The following SYTL3 variants were observed in gnomAD, a reference collection of about 807,000 sequenced individuals.
The protein encoded by SYTL3 is synaptotagmin-like protein 3.
In SYTL3, 88 loss-of-function variants were observed where a neutral mutation model predicts 82.1. The observed-to-expected ratio is 1.07, with a 90% confidence interval of 0.90 to 1.28. The LOEUF (loss-of-function observed/expected upper bound fraction) is 1.28, where lower values mean the gene tolerates loss of function less well. Among genes scored for constraint, SYTL3 ranks in the 50% most tolerant of loss-of-function variants. SYTL3 has a pLI of 0.00. For missense variants in SYTL3, 831 were observed against 757.6 expected, an observed-to-expected ratio of 1.10 and a Z score of -1.14; for synonymous variants, 311 against 289.4, an observed-to-expected ratio of 1.07 and a Z score of -0.76.
At position 158,663,314 on chromosome 6, in the gene SYTL3, G is replaced by A. The variant is rs574758010; in HGVS notation, c.46G>A (p.Glu16Lys). The A allele has an allele frequency of 1.8e-5, 29 of 1,614,132 alleles. No homozygotes were observed. The highest frequency in any genetic ancestry group is 1.7e-4 in the Middle Eastern group (1 of 6,034). The change falls in exon 4 of 18, where the codon GAG (glutamate) becomes AAG (lysine). Residue 16 changes from glutamate to lysine, a missense_variant. Glu to Lys is a moderately conservative substitution (Grantham distance 56). Coordinates refer to ENST00000611299, the MANE Select transcript of SYTL3 (RefSeq NM_001242394.2). ...DLSALKELER[E>K]AILQVLYRDQ... ...GAGTGCTCTCAAGGAGTTAGAACGC[G>A]AGGCCATTCTCCAGGTCCTGTACCG... is the stretch of plus-strand genomic sequence containing the variant.
upstream of SYTL3, among the ~76,000 whole-genome samples, chr6:158,648,603 A>AT (rs1787660378): frequency 7.1e-6 from 1 of 140,514 alleles, no homozygotes; most frequent in Non-Finnish European, 1.6e-5. Context: ...AAAAAAAAAA[A>AT]AAAAAATAAT....
At chr6:158,758,454 C>G (rs1026863181) in intron 14 of SYTL3, among the ~76,000 whole-genome samples, 1 of 151,484 alleles carries the variant, frequency 6.6e-6, no homozygotes, top group African/African-American at 2.4e-5. Context: ...AAAAAAAAAC[C>G]CAGCGGGATG....
chr6:158,677,540 T>TA (rs1209182199), intron 5 of SYTL3, among the ~76,000 whole-genome samples: 1 of 150,582 alleles, frequency 6.6e-6, no homozygotes, highest in South Asian at 2.1e-4. Flanking sequence ...CCCTAAAACT[T>TA]ATAATAAAAA....
intron 5 of SYTL3, among the ~76,000 whole-genome samples, chr6:158,667,887 A>G (rs1427036035): frequency 6.6e-6 from 1 of 152,208 alleles, no homozygotes; most frequent in Admixed American, 6.5e-5. Flanking sequence ...GTTTTCTCTT[A>G]GAGAACTGAG....
chr6:158,741,434 G>T (rs1178947973), intron 11 of SYTL3, among the ~76,000 whole-genome samples: 6 of 152,136 alleles, frequency 3.9e-5, no homozygotes, highest in African/African-American at 1.4e-4. Context: ...GAAGAATTGG[G>T]CTCCTTCTGT....
chr6:158,755,345 CA>C (rs1030802465), intron 13 of SYTL3, among the ~76,000 whole-genome samples: 4 of 151,950 alleles, frequency 2.6e-5, no homozygotes, highest in Non-Finnish European at 4.4e-5. Context: ...CCTGTCCCCC[CA>C]AAAAAGATAT....
intron 11 of SYTL3, among the ~76,000 whole-genome samples, chr6:158,731,298 C>CA (rs2128490194): frequency 1.3e-5 from 2 of 151,690 alleles, no homozygotes; most frequent in East Asian, 1.9e-4. Context: ...AAAAACAAAA[C>CA]AAAAAAACTA....
intron 6 of SYTL3, among the ~76,000 whole-genome samples, chr6:158,693,855 C>CTTTTCTCTTCTT (rs71030191): frequency 1.0e-5 from 1 of 96,866 alleles, no homozygotes; most frequent in Non-Finnish European, 1.9e-5. Context: ...TTTTTCTTTT[C>CTTTTCTCTTCTT]TTTTTTTTTT....
At chr6:158,753,120 C>T (rs1211943551) in intron 13 of SYTL3, among the ~76,000 whole-genome samples, 17 of 131,072 alleles carry the variant, frequency 1.3e-4, no homozygotes, top group African/African-American at 2.1e-4. Context: ...CACTCTTGGT[C>T]GCCCAGGCTG....
At chr6:158,726,278 C>A in intron 11 of SYTL3, 1 of 439,568 alleles carries the variant, frequency 2.3e-6, no homozygotes, top group South Asian at 1.9e-5. Flanking sequence ...AAAGATCAAT[C>A]ATTGTTATCC....
At chr6:158,682,516 T>C (rs59497536) in intron 5 of SYTL3, among the ~76,000 whole-genome samples, 24,340 of 151,862 alleles carry the variant, frequency 0.16, 3,076 homozygotes, top group African/African-American at 0.35. Context: ...CCCGCCACCA[T>C]GCCTGGCTAA....
chr6:158,685,811 T>G (rs1165841975), intron 6 of SYTL3, among the ~76,000 whole-genome samples: 1 of 152,066 alleles, frequency 6.6e-6, no homozygotes, highest in Non-Finnish European at 1.5e-5. Context: ...AGAGTGAAAC[T>G]CCATCTCAAA....
Position 158,682,949 on chromosome 6 carries a change from AT to A in SYTL3, c.355del (p.Trp119GlyfsTer30), listed in dbSNP as rs780458243. 6.2e-7 allele frequency: 1 copy of A among 1,613,622 alleles called. No individual in the cohort carries two copies. The highest frequency in any genetic ancestry group is 8.5e-7 in the Non-Finnish European group (1 of 1,179,596). On this transcript the variant is annotated frameshift_variant, in exon 6 of 18. Coordinates refer to ENST00000611299, the MANE Select transcript of SYTL3 (RefSeq NM_001242394.2). LOFTEE classifies it high-confidence loss of function. ...DRNVKIKTGEWFYEERAKKFP... is the reference protein window; with the variant it reads ...DRNVKIKTGEXFYEERAKKFP... ...GGAATGTCAAAATAAAAACTGGAGA[AT>A]GGTTCTATGAGGAACGAGCCAAGAA...
intron 2 of SYTL3, among the ~76,000 whole-genome samples, chr6:158,660,218 T>A (rs1789207296): frequency 6.6e-6 from 1 of 151,988 alleles, no homozygotes; most frequent in South Asian, 2.1e-4. Context: ...TGAGCCGAGA[T>A]CGCACCACTG....
intron 10 of SYTL3, among the ~76,000 whole-genome samples, chr6:158,723,857 C>A (rs1448068494): frequency 6.6e-6 from 1 of 152,216 alleles, no homozygotes; most frequent in Non-Finnish European, 1.5e-5. Context: ...TTCTGTCACA[C>A]CTTTAGTGTC....
intron 5 of SYTL3, among the ~76,000 whole-genome samples, chr6:158,677,536 A>T (rs1010427096): frequency 1.3e-5 from 2 of 151,286 alleles, no homozygotes; most frequent in Non-Finnish European, 2.9e-5. Flanking sequence ...TGTACCCTAA[A>T]ACTTATAATA....
chr6:158,762,180 T>C lies in SYTL3; in HGVS notation c.1517+2T>C, dbSNP rs771856735. On this transcript the variant is annotated splice_donor_variant, in intron 16 of 17. Coordinates refer to ENST00000611299, the MANE Select transcript of SYTL3 (RefSeq NM_001242394.2). LOFTEE classifies it high-confidence loss of function. Reference sequence around the variant, plus strand: ...CACCTTGAACTCATTTGTTAAGGGGTAGGTATTCGATGTAATCAAATATTT... The same window carrying C: ...CACCTTGAACTCATTTGTTAAGGGGCAGGTATTCGATGTAATCAAATATTT... The C allele has an allele frequency of 3.1e-6, 5 of 1,606,732 alleles. No homozygotes were observed. The highest frequency in any genetic ancestry group is 1.1e-5 in the South Asian group (1 of 90,892).
chr6:158,649,535 C>A (rs1211022952), upstream of SYTL3, among the ~76,000 whole-genome samples: 1 of 152,242 alleles, frequency 6.6e-6, no homozygotes, highest in African/African-American at 2.4e-5. Context: ...GTTAGCAGGG[C>A]AGGGACACTT....
At position 158,763,461 on chromosome 6, in the gene SYTL3, C is replaced by T; in HGVS notation, c.1675C>T (p.Leu559Phe). ...SLELTVWDQA[L>F]FGMNDRLLGG... ...GGAGTTAACTGTCTGGGATCAGGCC[C>T]TCTTTGGAATGAACGACCGCTTGCT... is the stretch of plus-strand genomic sequence containing the variant. Residue 559 changes from leucine to phenylalanine, a missense_variant, in exon 17 of 18, where the codon CTC becomes TTC. Leu to Phe is a conservative substitution (Grantham distance 22, BLOSUM62 0). Transcript: ENST00000611299. 1.2e-6 allele frequency: 2 copies of T among 1,614,204 alleles called. No homozygotes were observed. Among genetic ancestry groups the T allele is most frequent in the Non-Finnish European group, 8.5e-7 (1 of 1,180,030 alleles).
Sources: gnomAD v4.1 joint callset for allele counts (sites outside exome capture counted in the v4.1 genomes callset) on GRCh38, gnomAD v4.1.1 for gene constraint, MANE v1.5 for transcripts, NCBI Gene and HGNC (gene_info 2026-07-23, HGNC 2026-07-21) for gene names.